The following JMJD1C variants were observed in gnomAD, a reference collection of about 807,000 sequenced individuals.
JMJD1C encodes the protein jumonji domain-containing protein 1C.
A neutral mutation model predicts 245.3 loss-of-function variants in JMJD1C; 31 were observed. That is an observed-to-expected ratio of 0.13 (90% CI 0.09 to 0.17). The LOEUF (loss-of-function observed/expected upper bound fraction) is 0.17, where lower values mean the gene tolerates loss of function less well. Ranked by LOEUF, JMJD1C falls within the 10% of genes least tolerant of loss-of-function variation. JMJD1C has a pLI of 1.00. For missense variants in JMJD1C, 2,691 were observed against 3,000.2 expected, an observed-to-expected ratio of 0.90 and a Z score of 2.41; for synonymous variants, 1,057 against 1,017.4, an observed-to-expected ratio of 1.04 and a Z score of -0.74.
chr10:63,327,510 C>T (rs143975737), intron 2 of JMJD1C, among the ~76,000 whole-genome samples: 117 of 152,200 alleles, frequency 7.7e-4, no homozygotes, highest in African/African-American at 2.7e-3. Flanking sequence ...CTTCCAGTTA[C>T]AACTAAGGAA....
chr10:63,498,894 G>A (rs1954446716), intron 1 of JMJD1C, among the ~76,000 whole-genome samples: 1 of 152,050 alleles, frequency 6.6e-6, no homozygotes, highest in Non-Finnish European at 1.5e-5. Context: ...CACCTCCCAT[G>A]AGCCCCTGGG....
chr10:63,231,601 C>G (rs1218165933), intron 3 of JMJD1C, among the ~76,000 whole-genome samples: 1 of 152,038 alleles, frequency 6.6e-6, no homozygotes, highest in Non-Finnish European at 1.5e-5. Context: ...CGAGATCAGC[C>G]TGAGCAACAT....
chr10:63,221,665 C>T (rs1045391977), intron 3 of JMJD1C, among the ~76,000 whole-genome samples: 5 of 152,164 alleles, frequency 3.3e-5, no homozygotes, highest in African/African-American at 1.2e-4. Context: ...AGACTCTAAC[C>T]CCCTTAATGC....
chr10:63,518,140 T>G (rs979245422), intron 1 of JMJD1C, among the ~76,000 whole-genome samples: 6 of 152,150 alleles, frequency 3.9e-5, no homozygotes, highest in Admixed American at 1.3e-4. Flanking sequence ...GCTAATAAAT[T>G]TGGCAGATTT....
chr10:63,329,617 T>C (rs571784909), intron 2 of JMJD1C, among the ~76,000 whole-genome samples: 1 of 151,996 alleles, frequency 6.6e-6, no homozygotes, highest in South Asian at 2.1e-4. Context: ...CACATATGTA[T>C]ATACAAATGG....
intron 1 of JMJD1C, among the ~76,000 whole-genome samples, chr10:63,429,434 C>G (rs1035411336): frequency 6.6e-6 from 1 of 152,210 alleles, no homozygotes; most frequent in Non-Finnish European, 1.5e-5. Flanking sequence ...TTTCAAACAT[C>G]TGTTTTTCTC....
At chr10:63,364,132 C>T (rs546353827) in intron 2 of JMJD1C, among the ~76,000 whole-genome samples, 2 of 151,688 alleles carry the variant, frequency 1.3e-5, no homozygotes, top group African/African-American at 2.4e-5. Flanking sequence ...CCCAAAGTGC[C>T]GGGATTACAG....
In JMJD1C at chr10:63,176,363, G is replaced by A; in HGVS notation, c.7335C>T (p.Val2445=). 6.2e-7 allele frequency: 1 copy of A among 1,613,956 alleles called. No individual in the cohort carries two copies. The highest frequency in any genetic ancestry group is 8.5e-7 in the Non-Finnish European group (1 of 1,179,914). ...GGAACTGAATAAGAGTACAGGTTCT[G>A]ACTCCATATTCTTCAAGCAGCCTTT... ...LRQRLLEEYG[V]RTCTLIQFLG... is the part of the protein sequence containing the mutation. The change falls in exon 24 of 26, where the codon GTC becomes GTT. Residue 2445 remains valine (V), a synonymous_variant. Coordinates refer to ENST00000399262, the MANE Select transcript of JMJD1C (RefSeq NM_032776.3).
intron 3 of JMJD1C, among the ~76,000 whole-genome samples, chr10:63,238,544 T>C (rs1014468881): frequency 1.2e-4 from 19 of 152,356 alleles, no homozygotes; most frequent in African/African-American, 4.1e-4. Flanking sequence ...TTAATACTCA[T>C]GGTTATCTTT....
At chr10:63,181,859 A>G (rs1589072244) in intron 22 of JMJD1C, among the ~76,000 whole-genome samples, 1 of 152,354 alleles carries the variant, frequency 6.6e-6, no homozygotes, top group South Asian at 2.1e-4. Flanking sequence ...TAGAAAGGAT[A>G]AATAATCTGA....
At position 63,362,700 on chromosome 10, in the gene JMJD1C, C is replaced by T. The variant is rs192259093; in HGVS notation, c.333+17618G>A. Among the ~76,000 whole-genome samples the T allele has an allele frequency of 1.7e-3, 255 of 152,060 alleles. 1 individual carries two copies. Among genetic ancestry groups the T allele is most frequent in the African/African-American group, 5.9e-3 (245 of 41,500 alleles). ...TTCACTATGTTACTTGGGCTAGTCT[C>T]GAACTCCTGGGCTCAAGCAATCTGC... On this transcript the variant is annotated intron_variant, in intron 2 of 25. Transcript: ENST00000399262.
chr10:63,479,271 C>CTTTTTTTTTTTT (rs199545366), intron 1 of JMJD1C, among the ~76,000 whole-genome samples: 1 of 134,914 alleles, frequency 7.4e-6, no homozygotes. Context: ...TATTTCTTCT[C>CTTTTTTTTTTTT]TTTTTTTTTT....
chr10:63,204,004 G>A lies in JMJD1C; in HGVS notation c.5074+2591C>T, dbSNP rs1278224309. 5.1e-6 allele frequency: 5 copies of A among 982,542 alleles called. No individual in the cohort carries two copies. The African/African-American group carries it at 8.7e-5, about 17-fold the overall frequency. 60.9% of individuals were successfully genotyped at this position (982,542 alleles called of 1,614,324 possible). Reference sequence around the variant, plus strand: ...CTCCCAACTTAAAGAACTTTTCTGTGCTCAGGAGACTGAGGCAGGAGGATT... The same window carrying A: ...CTCCCAACTTAAAGAACTTTTCTGTACTCAGGAGACTGAGGCAGGAGGATT... On this transcript the variant is annotated intron_variant, in intron 10 of 25. Coordinates refer to ENST00000399262, the MANE Select transcript of JMJD1C (RefSeq NM_032776.3).
chr10:63,445,413 G>A (rs1040227947), intron 1 of JMJD1C, among the ~76,000 whole-genome samples: 3 of 152,080 alleles, frequency 2.0e-5, no homozygotes, highest in African/African-American at 7.2e-5. Flanking sequence ...GAGTCATGTG[G>A]GTATCTTTGG....
chr10:63,298,084 A>C (rs922048179), intron 2 of JMJD1C, among the ~76,000 whole-genome samples: 3 of 152,152 alleles, frequency 2.0e-5, no homozygotes, highest in Admixed American at 2.0e-4. Context: ...TGTGCTGGTG[A>C]CTGGAACTGC....
chr10:63,321,077 G>A (rs1360313891), intron 2 of JMJD1C, among the ~76,000 whole-genome samples: 2 of 152,212 alleles, frequency 1.3e-5, no homozygotes. Flanking sequence ...TGGTGTACAA[G>A]AACACATCCA....
chr10:63,512,365 A>G (rs1156984534), intron 1 of JMJD1C, among the ~76,000 whole-genome samples: 1 of 152,034 alleles, frequency 6.6e-6, no homozygotes, highest in African/African-American at 2.4e-5. Flanking sequence ...TCTTTTATAC[A>G]TATTTCTTAC....
At chr10:63,509,769 G>T (rs1274923533) in intron 1 of JMJD1C, among the ~76,000 whole-genome samples, 1 of 151,982 alleles carries the variant, frequency 6.6e-6, no homozygotes, top group Non-Finnish European at 1.5e-5. Flanking sequence ...TTTCATTTTT[G>T]ATATTAGTAA....
chr10:63,453,735 TTTTTG>T (rs1952221219), intron 1 of JMJD1C, among the ~76,000 whole-genome samples: 1 of 152,264 alleles, frequency 6.6e-6, no homozygotes, highest in East Asian at 1.9e-4. Context: ...CAATAGTTTT[TTTTTG>T]TTTTTTGTTT....
Sources: gnomAD v4.1 joint callset for allele counts (sites outside exome capture counted in the v4.1 genomes callset) on GRCh38, gnomAD v4.1.1 for gene constraint, MANE v1.5 for transcripts, NCBI Gene and HGNC (gene_info 2026-07-23, HGNC 2026-07-21) for gene names.